The following PDE4D variants were observed in gnomAD, a reference collection of about 807,000 sequenced individuals.
The protein encoded by PDE4D is 3',5'-cyclic-AMP phosphodiesterase 4D.
PDE4D carries 24 observed loss-of-function variants against 87.4 expected under a neutral mutation model. The observed-to-expected ratio is 0.27, with a 90% CI of 0.20 to 0.39. The LOEUF is 0.39. PDE4D is among the 10% of genes least tolerant of loss of function. The pLI is 1.00. For synonymous variants in PDE4D, 384 were observed against 383.2 expected (o/e 1.00, Z -0.02); for missense variants, 714 against 1,041.0 (o/e 0.69, Z 4.32).
chr5:59,622,351 A>G (rs1830441327), intron 1 of PDE4D, among the ~76,000 whole-genome samples: 1 of 152,208 alleles, frequency 6.6e-6, no homozygotes, highest in African/African-American at 2.4e-5. Context: ...TTTGCTGTGA[A>G]AAGTCATGCC....
At chr5:60,167,978 A>G (rs905060617) in intron 2 of PDE4D, among the ~76,000 whole-genome samples, 1 of 152,234 alleles carries the variant, frequency 6.6e-6, no homozygotes, top group African/African-American at 2.4e-5. Context: ...ATGGTCTTCA[A>G]CAATAAATCT....
intron 1 of PDE4D, among the ~76,000 whole-genome samples, chr5:59,551,555 C>G (rs2153687964): frequency 6.6e-6 from 1 of 151,610 alleles, no homozygotes; most frequent in African/African-American, 2.4e-5. Context: ...TTATCTAATT[C>G]TTCATTTGAG....
chr5:59,962,181 A>G (rs796724493), intron 3 of PDE4D, among the ~76,000 whole-genome samples: 1 of 152,312 alleles, frequency 6.6e-6, no homozygotes, highest in East Asian at 1.9e-4. Flanking sequence ...CAGACAGTAC[A>G]TTGTAACAAT....
At chr5:59,310,662 G>A (rs1022049400) in intron 1 of PDE4D, among the ~76,000 whole-genome samples, 2 of 152,158 alleles carry the variant, frequency 1.3e-5, no homozygotes, top group African/African-American at 4.8e-5. Flanking sequence ...AGGTCTAAGG[G>A]CTGCTGTTTG....
intron 1 of PDE4D, among the ~76,000 whole-genome samples, chr5:60,199,235 GA>G (rs924607986): frequency 6.6e-6 from 1 of 151,728 alleles, no homozygotes; most frequent in African/African-American, 2.4e-5. Context: ...CAAAGGCTCT[GA>G]ATATAGAGAA....
intron 1 of PDE4D, among the ~76,000 whole-genome samples, chr5:60,407,586 G>A (rs1446151716): frequency 1.3e-5 from 2 of 149,964 alleles, no homozygotes; most frequent in African/African-American, 2.5e-5. Flanking sequence ...CTGAGTAGCT[G>A]GGACTGCAGG....
chr5:60,463,302 T>C (rs1221337826), intron 1 of PDE4D, among the ~76,000 whole-genome samples: 2 of 152,122 alleles, frequency 1.3e-5, no homozygotes, highest in African/African-American at 4.8e-5. Context: ...GTGTCTCCCG[T>C]GCTGCTTCTT....
chr5:60,038,385 C>G (rs1254147331), intron 2 of PDE4D, among the ~76,000 whole-genome samples: 2 of 152,080 alleles, frequency 1.3e-5, no homozygotes, highest in Non-Finnish European at 2.9e-5. Flanking sequence ...ATAGGGAATC[C>G]TTTCCCCATT....
intron 1 of PDE4D, among the ~76,000 whole-genome samples, chr5:59,524,398 AG>A (rs1169450014): frequency 6.6e-6 from 1 of 152,202 alleles, no homozygotes; most frequent in Non-Finnish European, 1.5e-5. Flanking sequence ...GCTATGCTTT[AG>A]CAAAGAGGCT....
intron 1 of PDE4D, among the ~76,000 whole-genome samples, chr5:59,611,177 G>A (rs955560145): frequency 7.2e-5 from 11 of 152,148 alleles, no homozygotes; most frequent in African/African-American, 2.7e-4. Context: ...CAAGATGAAG[G>A]CATCAGCAGA....
chr5:60,348,399 T>C (rs1758906026), intron 1 of PDE4D, among the ~76,000 whole-genome samples: 1 of 151,520 alleles, frequency 6.6e-6, no homozygotes, highest in Admixed American at 6.6e-5. Context: ...TAATATTAAG[T>C]TTAAAAAATG....
At chr5:59,574,119 A>AAAATAT (rs1280229031) in intron 1 of PDE4D, among the ~76,000 whole-genome samples, 2 of 2,636 alleles carry the variant, frequency 7.6e-4, no homozygotes, top group African/African-American at 1.6e-3. Flanking sequence ...TATATATATA[A>AAAATAT]ATATATATTT....
At chr5:60,169,351 T>G (rs1004262137) in intron 2 of PDE4D, among the ~76,000 whole-genome samples, 4 of 152,146 alleles carry the variant, frequency 2.6e-5, no homozygotes, top group African/African-American at 4.8e-5. Flanking sequence ...GTACCTCCAC[T>G]GTTTATTATT....
At chr5:59,507,035 A>G (rs144890942) in intron 1 of PDE4D, among the ~76,000 whole-genome samples, 55 of 152,318 alleles carry the variant, frequency 3.6e-4, no homozygotes, top group African/African-American at 1.2e-3. Flanking sequence ...ACAAATATTT[A>G]CCAATAATAA....
chr5:59,534,637 G>C (rs771728296), intron 1 of PDE4D, among the ~76,000 whole-genome samples: 2 of 152,204 alleles, frequency 1.3e-5, no homozygotes, highest in Non-Finnish European at 2.9e-5. Context: ...GGATGAACCT[G>C]TGTGCAATGG....
chr5:58,992,732 C>G (rs906438356), intron 7 of PDE4D, among the ~76,000 whole-genome samples: 1 of 152,190 alleles, frequency 6.6e-6, no homozygotes, highest in African/African-American at 2.4e-5. Flanking sequence ...GCAACTCTAA[C>G]TCATCCTTAT....
chr5:59,232,705 T>C (rs1755497376), intron 1 of PDE4D, among the ~76,000 whole-genome samples: 2 of 152,006 alleles, frequency 1.3e-5, no homozygotes, highest in African/African-American at 2.4e-5. Context: ...AATCTGTATA[T>C]CAAAGGGATA....
intron 11 of PDE4D, among the ~76,000 whole-genome samples, chr5:58,984,425 T>A (rs1194804189): frequency 6.6e-6 from 1 of 152,254 alleles, no homozygotes; most frequent in Non-Finnish European, 1.5e-5. Context: ...ATATTTATTA[T>A]AACATTTAGT....
At chr5:59,562,284 T>A (rs775234055) in intron 1 of PDE4D, among the ~76,000 whole-genome samples, 2 of 152,216 alleles carry the variant, frequency 1.3e-5, no homozygotes, top group Non-Finnish European at 2.9e-5. Flanking sequence ...AAAGGGAAAT[T>A]GCTTATTCTT....
Sources: gnomAD v4.1 joint callset for allele counts (sites outside exome capture counted in the v4.1 genomes callset) on GRCh38, gnomAD v4.1.1 for gene constraint, MANE v1.5 for transcripts, NCBI Gene and HGNC (gene_info 2026-07-23, HGNC 2026-07-21) for gene names.